Variants in KSR2 observed in about 807,000 individuals in gnomAD.
The protein encoded by KSR2 is kinase suppressor of ras 2.
KSR2 carries 25 observed loss-of-function variants against 107.8 expected under a neutral mutation model. The ratio of observed to expected loss-of-function variants is 0.23; its 90% CI spans 0.17 to 0.32. The LOEUF (loss-of-function observed/expected upper bound fraction) is 0.32. Ranked by LOEUF, KSR2 falls within the 10% of genes least tolerant of loss-of-function variation. The pLI, the probability that KSR2 is intolerant of heterozygous loss-of-function variation, is 1.00. For missense variants in KSR2, 887 were observed against 1,268.9 expected, an observed-to-expected ratio of 0.70 and a Z score of 4.57; for synonymous variants, 480 against 507.0, an observed-to-expected ratio of 0.95 and a Z score of 0.71.
At position 117,728,068 on chromosome 12, in the gene KSR2, G is replaced by A. The variant is rs369102658; in HGVS notation, c.986+32943C>T. ...GCCTTCAGGGTGGGGCAAGATGATC[G>A]GAGAAGGACATGAGAGAACTTTCTG... On this transcript the variant is annotated intron_variant, in intron 4 of 19. Transcript: ENST00000339824. Among the ~76,000 whole-genome samples the A allele has an allele frequency of 1.8e-4, 28 of 152,290 alleles. No homozygotes were observed. The South Asian group carries it at 1.9e-3, about 10-fold the overall frequency.
intron 7 of KSR2, among the ~76,000 whole-genome samples, chr12:117,572,504 T>G (rs708860): frequency 0.31 from 46,663 of 151,698 alleles, 7,370 homozygotes; most frequent in Middle Eastern, 0.46. Context: ...GGACAAGTTT[T>G]TCTTTTTCAC....
At chr12:117,510,258 T>C (rs1421514585) in intron 14 of KSR2, among the ~76,000 whole-genome samples, 1 of 152,250 alleles carries the variant, frequency 6.6e-6, no homozygotes, top group Non-Finnish European at 1.5e-5. Context: ...CAGTCAATAC[T>C]TCTTAAACTA....
chr12:117,572,250 T>C (rs1301495128), intron 7 of KSR2, among the ~76,000 whole-genome samples: 1 of 152,184 alleles, frequency 6.6e-6, no homozygotes, highest in African/African-American at 2.4e-5. Context: ...CAGAGTACCC[T>C]GATGTGCATT....
intron 14 of KSR2, among the ~76,000 whole-genome samples, chr12:117,510,815 T>C (rs1592940892): frequency 6.7e-6 from 1 of 148,946 alleles, no homozygotes; most frequent in Admixed American, 6.8e-5. Context: ...CAGGTGGAGG[T>C]TGCAGTGAGC....
chr12:117,619,218 T>C (rs1044126552), intron 5 of KSR2, among the ~76,000 whole-genome samples: 17 of 152,230 alleles, frequency 1.1e-4, no homozygotes, highest in Admixed American at 1.1e-3. Context: ...TTCTTTTTTT[T>C]TTTTTATTCT....
intron 1 of KSR2, among the ~76,000 whole-genome samples, chr12:117,917,398 T>G (rs1260412166): frequency 6.6e-6 from 1 of 151,888 alleles, no homozygotes; most frequent in African/African-American, 2.4e-5. Flanking sequence ...TTTAATTAGT[T>G]GGGTGTGGTG....
chr12:117,538,681 T>A (rs1876227998), intron 10 of KSR2, among the ~76,000 whole-genome samples: 1 of 152,250 alleles, frequency 6.6e-6, no homozygotes, highest in Non-Finnish European at 1.5e-5. Flanking sequence ...CACATGTGGC[T>A]ACTGAGCCCT....
intron 16 of KSR2, among the ~76,000 whole-genome samples, chr12:117,480,431 A>G (rs959956139): frequency 2.0e-5 from 3 of 152,128 alleles, no homozygotes; most frequent in Non-Finnish European, 4.4e-5. Context: ...CATCTTCATT[A>G]TGGTTATTAT....
intron 10 of KSR2, among the ~76,000 whole-genome samples, chr12:117,533,773 C>A (rs79408416): frequency 6.6e-6 from 1 of 152,114 alleles, no homozygotes; most frequent in African/African-American, 2.4e-5. Flanking sequence ...TTTTGGGCAA[C>A]GGAGAGCAGG....
chr12:117,616,407 C>A (rs527746930), intron 5 of KSR2, among the ~76,000 whole-genome samples: 2 of 152,302 alleles, frequency 1.3e-5, no homozygotes, highest in African/African-American at 4.8e-5. Context: ...AACTAAATAA[C>A]TTCAGAAGGC....
intron 1 of KSR2, among the ~76,000 whole-genome samples, chr12:117,877,592 G>T (rs1222115616): frequency 6.6e-6 from 1 of 152,048 alleles, no homozygotes; most frequent in African/African-American, 2.4e-5. Flanking sequence ...TTATCTAATT[G>T]TCATATGCAC....
intron 1 of KSR2, among the ~76,000 whole-genome samples, chr12:117,894,254 A>G (rs560819965): frequency 6.6e-6 from 1 of 152,332 alleles, no homozygotes; most frequent in African/African-American, 2.4e-5. Context: ...CAGCATTAGG[A>G]TGAGGAGAGT....
chr12:117,752,523 T>TAA, intron 4 of KSR2, among the ~76,000 whole-genome samples: 1 of 152,214 alleles, frequency 6.6e-6, no homozygotes, highest in Admixed American at 6.5e-5. Context: ...CAAACATGAA[T>TAA]AAATGCACAC....
intron 1 of KSR2, among the ~76,000 whole-genome samples, chr12:117,873,387 A>G (rs1017468633): frequency 2.0e-5 from 3 of 151,374 alleles, no homozygotes; most frequent in East Asian, 1.9e-4. Context: ...ATCATAAGAT[A>G]ATAATAATGG....
chr12:117,776,082 A>G (rs1239460402), intron 3 of KSR2, among the ~76,000 whole-genome samples: 3 of 150,302 alleles, frequency 2.0e-5, no homozygotes, highest in African/African-American at 7.4e-5. Flanking sequence ...AAACTATGGA[A>G]ATAAAAATTA....
At chr12:117,535,604 T>TGTGTG (rs1875990866) in intron 10 of KSR2, among the ~76,000 whole-genome samples, 1 of 142,232 alleles carries the variant, frequency 7.0e-6, no homozygotes, top group East Asian at 2.1e-4. Context: ...TTTCCTGGAG[T>TGTGTG]TGTGTGTGTG....
At chr12:117,876,933 C>T (rs549565669) in intron 1 of KSR2, among the ~76,000 whole-genome samples, 10 of 152,012 alleles carry the variant, frequency 6.6e-5, no homozygotes, top group Admixed American at 1.3e-4. Context: ...AGTTTAAACA[C>T]GAAATTCATT....
intron 1 of KSR2, among the ~76,000 whole-genome samples, chr12:117,904,939 TG>T (rs1170433182): frequency 1.3e-5 from 2 of 152,178 alleles, no homozygotes; most frequent in African/African-American, 2.4e-5. Flanking sequence ...CCCAGCAGTT[TG>T]GGAGGCCAAG....
chr12:117,739,166 TGA>T (rs1763049768), intron 4 of KSR2, among the ~76,000 whole-genome samples: 1 of 152,076 alleles, frequency 6.6e-6, no homozygotes, highest in African/African-American at 2.4e-5. Context: ...CTATCCTGGC[TGA>T]CACGGTGAAA....
Sources: gnomAD v4.1 joint callset for allele counts (sites outside exome capture counted in the v4.1 genomes callset) on GRCh38, gnomAD v4.1.1 for gene constraint, MANE v1.5 for transcripts, NCBI Gene and HGNC (gene_info 2026-07-23, HGNC 2026-07-21) for gene names.